Variants in LRIF1 observed in about 807,000 individuals in gnomAD.
LRIF1 encodes the protein ligand dependent nuclear receptor interacting factor 1.
In LRIF1, 32 loss-of-function variants were observed where a neutral mutation model predicts 52.7. The ratio of observed to expected loss-of-function variants is 0.61; its 90% CI spans 0.46 to 0.82. The LOEUF (loss-of-function observed/expected upper bound fraction) is 0.82. LRIF1 is among the 40% of genes least tolerant of loss of function. The pLI, the probability that LRIF1 is intolerant of heterozygous loss-of-function variation, is 0.00. For missense variants in LRIF1, 887 were observed against 892.0 expected (o/e 0.99, Z 0.07); for synonymous variants, 323 against 317.4 (o/e 1.02, Z -0.19).
chr1:110,928,947 C>T, the LRIF1 span, among the ~76,000 whole-genome samples: 1 of 152,144 alleles, frequency 6.6e-6, no homozygotes, highest in Non-Finnish European at 1.5e-5. Context: ...AGGGGAGTGA[C>T]TTGCTGTGAT....
At chr1:110,888,789 T>C in the LRIF1 span, among the ~76,000 whole-genome samples, 5 of 152,228 alleles carry the variant, frequency 3.3e-5, no homozygotes, top group Non-Finnish European at 5.9e-5. Context: ...TTATAGCACA[T>C]AGTAATTCAG....
At chr1:110,958,126 G>A (rs186084621) in intron 1 of LRIF1, among the ~76,000 whole-genome samples, 31 of 152,250 alleles carry the variant, frequency 2.0e-4, no homozygotes, top group Admixed American at 1.8e-3. Flanking sequence ...TCAGCTGGAC[G>A]CGAAAATCAT....
the LRIF1 span, chr1:110,941,237 T>C: frequency 6.6e-6 from 1 of 152,088 alleles, no homozygotes; most frequent in Non-Finnish European, 1.5e-5. Flanking sequence ...AGTTAGGAAA[T>C]GTATAAATGT....
chr1:110,923,621 T>G, the LRIF1 span, among the ~76,000 whole-genome samples: 1 of 152,040 alleles, frequency 6.6e-6, no homozygotes, highest in Admixed American at 6.6e-5. Context: ...AGCCATGAAT[T>G]AAAGAAATAA....
chr1:110,909,875 C>T, the LRIF1 span, among the ~76,000 whole-genome samples: 33 of 151,998 alleles, frequency 2.2e-4, no homozygotes, highest in Non-Finnish European at 4.4e-4. Flanking sequence ...GCCACTGCGC[C>T]CAGCTGGGGT....
At chr1:110,902,640 A>G in the LRIF1 span, among the ~76,000 whole-genome samples, 17 of 152,330 alleles carry the variant, frequency 1.1e-4, no homozygotes, top group East Asian at 3.1e-3. Context: ...GAAGATGTAA[A>G]TATGTGGAAA....
the LRIF1 span, among the ~76,000 whole-genome samples, chr1:110,902,517 A>AAAAAAAAAAAAAAAAAAG: frequency 1.5e-4 from 16 of 104,682 alleles, no homozygotes; most frequent in Non-Finnish European, 2.6e-4. Context: ...AAAAAAAAAA[A>AAAAAAAAAAAAAAAAAAG]AAAGAAATAC....
chr1:110,934,925 T>C, the LRIF1 span, among the ~76,000 whole-genome samples: 3 of 152,182 alleles, frequency 2.0e-5, no homozygotes, highest in African/African-American at 7.2e-5. Flanking sequence ...AGCATTGTCA[T>C]AGTGGTGGTG....
the LRIF1 span, among the ~76,000 whole-genome samples, chr1:110,929,398 C>T: frequency 6.6e-6 from 1 of 152,164 alleles, no homozygotes; most frequent in Non-Finnish European, 1.5e-5. Context: ...ATAAGCATTG[C>T]CTTTTCTCCA....
the LRIF1 span, among the ~76,000 whole-genome samples, chr1:110,935,694 G>A: frequency 1.3e-5 from 2 of 152,002 alleles, no homozygotes; most frequent in Non-Finnish European, 2.9e-5. Flanking sequence ...CATACCTACA[G>A]GATCTAGAAA....
At chr1:110,926,028 T>C in the LRIF1 span, among the ~76,000 whole-genome samples, 4 of 152,064 alleles carry the variant, frequency 2.6e-5, no homozygotes, top group Non-Finnish European at 4.4e-5. Flanking sequence ...CCAAAATAAA[T>C]AGATAAATAT....
chr1:110,903,070 T>C, the LRIF1 span, among the ~76,000 whole-genome samples: 1 of 152,250 alleles, frequency 6.6e-6, no homozygotes, highest in Admixed American at 6.5e-5. Flanking sequence ...GGAGGGAGCA[T>C]TTAAATCAGC....
At chr1:110,956,795 G>A (rs1658717576) in intron 1 of LRIF1, among the ~76,000 whole-genome samples, 1 of 152,172 alleles carries the variant, frequency 6.6e-6, no homozygotes, top group South Asian at 2.1e-4. Flanking sequence ...TTCAGTGACA[G>A]GAAGTTGGTA....
chr1:110,917,846 T>A, the LRIF1 span, among the ~76,000 whole-genome samples: 2 of 152,126 alleles, frequency 1.3e-5, no homozygotes, highest in African/African-American at 4.8e-5. Context: ...TAGCACCATC[T>A]TATTCATAAC....
the LRIF1 span, chr1:110,941,045 G>A: frequency 2.8e-4 from 43 of 152,020 alleles, no homozygotes; most frequent in African/African-American, 1.0e-3. Flanking sequence ...TTCATGATGT[G>A]ATTATTTCTC....
At chr1:110,939,455 T>C in the LRIF1 span, 1 of 145,108 alleles carries the variant, frequency 6.9e-6, no homozygotes, top group Admixed American at 6.9e-5. Context: ...AAAGTACCAA[T>C]GACATTCATC....
intron 1 of LRIF1, among the ~76,000 whole-genome samples, chr1:110,961,627 A>G (rs1658950208): frequency 6.6e-6 from 1 of 152,204 alleles, no homozygotes; most frequent in Non-Finnish European, 1.5e-5. Flanking sequence ...AAAATTTTAA[A>G]TAAGCAGTAA....
At chr1:110,910,362 G>T in the LRIF1 span, among the ~76,000 whole-genome samples, 2 of 151,928 alleles carry the variant, frequency 1.3e-5, no homozygotes, top group African/African-American at 4.8e-5. Context: ...ACTTTGGGAG[G>T]CTGAGGTGGG....
At chr1:110,902,495 T>TAAAAAAAAAAAAAAAAAAAAAAAAA in the LRIF1 span, among the ~76,000 whole-genome samples, 8 of 72,664 alleles carry the variant, frequency 1.1e-4, no homozygotes, top group East Asian at 4.3e-4. Flanking sequence ...AATCAATCAC[T>TAAAAAAAAAAAAAAAAAAAAAAAAA]AAAAAAAAAA....
Sources: gnomAD v4.1 joint callset for allele counts (sites outside exome capture counted in the v4.1 genomes callset) on GRCh38, gnomAD v4.1.1 for gene constraint, MANE v1.5 for transcripts, NCBI Gene and HGNC (gene_info 2026-07-23, HGNC 2026-07-21) for gene names.